DGLUCY: variants seen among roughly 807,000 people sequenced by gnomAD.
DGLUCY encodes the protein D-glutamate cyclase.
In DGLUCY, 58 loss-of-function variants were observed where a neutral mutation model predicts 58.5. The observed-to-expected ratio is 0.99, with a 90% CI of 0.80 to 1.23. The LOEUF (loss-of-function observed/expected upper bound fraction) is 1.23, where lower values mean the gene tolerates loss of function less well. DGLUCY is among the 50% of genes most tolerant of loss of function. The probability of loss-of-function intolerance (pLI) is 0.00; values close to 1 mark genes in which losing one functional copy is unlikely to be tolerated. For synonymous variants in DGLUCY, 325 were observed against 314.1 expected, an observed-to-expected ratio of 1.03 and a Z score of -0.37; for missense variants, 779 against 784.7, an observed-to-expected ratio of 0.99 and a Z score of 0.09.
chr14:91,176,115 A>G lies in DGLUCY; in HGVS notation c.730+59A>G, dbSNP rs1046758795. On this transcript the variant is annotated intron_variant, in intron 7 of 13. Transcript: ENST00000256324. ...CCTAGGATGGAGCCCAGTGGGGTCT[A>G]GTTCTTGAAAGCATATTCTCGTAGT... 2 of 1,568,462 alleles carry G rather than the reference A, an allele frequency of 1.3e-6. 1 individual carries two copies. Among genetic ancestry groups the G allele is most frequent in the South Asian group, 2.3e-5 (2 of 87,534 alleles).
At chr14:91,163,514 A>G (rs953739508) in intron 3 of DGLUCY, among the ~76,000 whole-genome samples, 4 of 152,160 alleles carry the variant, frequency 2.6e-5, no homozygotes, top group Non-Finnish European at 5.9e-5. Flanking sequence ...CGACTGTGAT[A>G]ATGAGCTCCG....
intron 13 of DGLUCY, among the ~76,000 whole-genome samples, chr14:91,217,346 C>T (rs144803077): frequency 1.5e-4 from 22 of 150,782 alleles, no homozygotes; most frequent in South Asian, 8.4e-4. Flanking sequence ...TCCAAGAGGC[C>T]GGAGGGTCCT....
At chr14:91,204,859 C>T (rs981445370) in intron 12 of DGLUCY, 34 bp downstream of exon 12, 3 of 1,612,966 alleles carry the variant, frequency 1.9e-6, no homozygotes, top group African/African-American at 2.7e-5. Flanking sequence ...GTCCGGCCGG[C>T]TACCCAGGGT....
chr14:91,136,456 G>T (rs952406689), intron 1 of DGLUCY, among the ~76,000 whole-genome samples: 1 of 152,000 alleles, frequency 6.6e-6, no homozygotes, highest in Non-Finnish European at 1.5e-5. Flanking sequence ...GCCAAGGCAG[G>T]CAGATCACTT....
chr14:91,121,240 C>T (rs532635332), intron 1 of DGLUCY, among the ~76,000 whole-genome samples: 19 of 152,288 alleles, frequency 1.2e-4, no homozygotes, highest in Non-Finnish European at 2.1e-4. Context: ...GCACATTTCC[C>T]GACACACAGA....
chr14:91,104,669 G>C (rs1180991188), upstream of DGLUCY, among the ~76,000 whole-genome samples: 3 of 152,110 alleles, frequency 2.0e-5, no homozygotes, highest in Admixed American at 2.0e-4. Flanking sequence ...CTGTCCAGTG[G>C]CCATTCCTTT....
chr14:91,117,141 T>G (rs2045015441), intron 1 of DGLUCY, among the ~76,000 whole-genome samples: 1 of 152,148 alleles, frequency 6.6e-6, no homozygotes, highest in South Asian at 2.1e-4. Flanking sequence ...TTCCAGACAT[T>G]GTCATGGCAT....
At chr14:91,223,172 G>A (rs1375094472) in intron 13 of DGLUCY, among the ~76,000 whole-genome samples, 3 of 152,206 alleles carry the variant, frequency 2.0e-5, no homozygotes, top group Admixed American at 6.5e-5. Flanking sequence ...TGGGTTGGGT[G>A]CCCCTGCTCT....
intron 1 of DGLUCY, among the ~76,000 whole-genome samples, chr14:91,071,711 C>T (rs993429850): frequency 1.3e-5 from 2 of 151,356 alleles, no homozygotes; most frequent in Non-Finnish European, 2.9e-5. Context: ...CTACTGAAAA[C>T]GCAAAAATTA....
At chr14:91,106,643 G>A (rs2044596941), upstream of DGLUCY, among the ~76,000 whole-genome samples, 1 of 150,010 alleles carries the variant, frequency 6.7e-6, no homozygotes, top group South Asian at 2.1e-4. Flanking sequence ...GGAAGTGGAG[G>A]TTGCAGTGAG....
chr14:91,141,250 G>A (rs1235876887), intron 1 of DGLUCY, among the ~76,000 whole-genome samples: 1 of 151,752 alleles, frequency 6.6e-6, no homozygotes, highest in Non-Finnish European at 1.5e-5. Flanking sequence ...GCTGGGTGTG[G>A]TAGTTCCAGC....
In DGLUCY at chr14:91,149,083, A is replaced by C. The variant is rs531571923; in HGVS notation, c.-81-8556A>C. On this transcript the variant is annotated intron_variant, in intron 1 of 13. Transcript: ENST00000256324. ...ACCAACATGGAGAAACCCCGTCTCT[A>C]CTAAAAATACAAAATTAGCCAGGCG... is the stretch of plus-strand genomic sequence containing the variant. Among the ~76,000 whole-genome samples the C allele has an allele frequency of 2.0e-3, 308 of 152,202 alleles. 2 individuals are homozygous for C. Among genetic ancestry groups the C allele is most frequent in the Non-Finnish European group, 3.6e-3 (243 of 67,992 alleles).
chr14:91,215,442 A>C lies in DGLUCY; in HGVS notation c.1602A>C (p.Ala534=). 1 of 1,613,606 alleles carries C rather than the reference A, an allele frequency of 6.2e-7. No individual in the cohort carries two copies. The highest frequency in any genetic ancestry group is 8.5e-7 in the Non-Finnish European group (1 of 1,179,750). The change falls in exon 13 of 14, where the codon GCA becomes GCC. Residue 534 remains alanine, a synonymous_variant. Transcript: ENST00000256324. ...GGGGAGGCTATGCCCTGGCCTGCGCACTCTACATCCTGTACTCATGTGCTG... is the reference window on the plus strand; with the variant it reads ...GGGGAGGCTATGCCCTGGCCTGCGCCCTCTACATCCTGTACTCATGTGCTG... ...SNWGGYALAC[A]LYILYSCAVH...
chr14:91,076,018 CA>C (rs1179149365), intron 1 of DGLUCY, among the ~76,000 whole-genome samples: 5 of 151,352 alleles, frequency 3.3e-5, no homozygotes, highest in Non-Finnish European at 5.9e-5. Flanking sequence ...GAGACTGAGG[CA>C]AGAGAATTGC....
chr14:91,115,741 T>A (rs539492922), intron 1 of DGLUCY, among the ~76,000 whole-genome samples: 2 of 152,306 alleles, frequency 1.3e-5, no homozygotes, highest in South Asian at 4.1e-4. Context: ...AGATGTCACT[T>A]CCAGCTGAGG....
At chr14:91,078,514 C>T (rs1333537414) in intron 1 of DGLUCY, among the ~76,000 whole-genome samples, 1 of 152,170 alleles carries the variant, frequency 6.6e-6, no homozygotes, top group African/African-American at 2.4e-5. Context: ...TCTTTCCTCC[C>T]TCCATCCCCC....
At chr14:91,082,754 T>A (rs994179868) in intron 1 of DGLUCY, among the ~76,000 whole-genome samples, 15 of 152,106 alleles carry the variant, frequency 9.9e-5, no homozygotes, top group African/African-American at 3.4e-4. Flanking sequence ...CATCTTTTTT[T>A]GTTTTGTTTT....
intron 1 of DGLUCY, among the ~76,000 whole-genome samples, chr14:91,149,458 C>A (rs60309468): frequency 0.026 from 3,944 of 152,220 alleles, 148 homozygotes; most frequent in African/African-American, 0.088. Flanking sequence ...CTGAAGTAGG[C>A]TTGTGGGTCA....
chr14:91,169,709 C>T (rs749861979), intron 4 of DGLUCY, among the ~76,000 whole-genome samples: 12 of 151,928 alleles, frequency 7.9e-5, no homozygotes, highest in African/African-American at 2.2e-4. Context: ...CGTGCCTGGC[C>T]ACCATTTACT....
Sources: gnomAD v4.1 joint callset for allele counts (sites outside exome capture counted in the v4.1 genomes callset) on GRCh38, gnomAD v4.1.1 for gene constraint, MANE v1.5 for transcripts, NCBI Gene and HGNC (gene_info 2026-07-23, HGNC 2026-07-21) for gene names.